SLC35D4: variants seen among roughly 807,000 people sequenced by gnomAD.
The protein encoded by SLC35D4 is solute carrier family 35 member D4.
At chr18:23,364,626 C>T in the SLC35D4 span, among the ~76,000 whole-genome samples, 53 of 152,122 alleles carry the variant, frequency 3.5e-4, no homozygotes, top group Non-Finnish European at 6.3e-4. Context: ...GACTCCTGGC[C>T]GGGCGCAGTG....
the SLC35D4 span, among the ~76,000 whole-genome samples, chr18:23,284,543 A>G: frequency 1.3e-5 from 2 of 152,092 alleles, no homozygotes; most frequent in East Asian, 3.9e-4. Context: ...CCTCCCATGT[A>G]CTGGTTTTTA....
the SLC35D4 span, chr18:23,365,593 T>C: frequency 3.1e-6 from 5 of 1,610,256 alleles, no homozygotes; most frequent in South Asian, 1.1e-5. Flanking sequence ...CAATAAGCAA[T>C]GTCAAACAGA....
chr18:23,241,180 C>T, the SLC35D4 span, among the ~76,000 whole-genome samples: 2 of 152,132 alleles, frequency 1.3e-5, no homozygotes, highest in African/African-American at 4.8e-5. Context: ...TACAACTTAA[C>T]ATGTGAGATT....
At chr18:23,248,660 T>G in the SLC35D4 span, among the ~76,000 whole-genome samples, 4 of 151,740 alleles carry the variant, frequency 2.6e-5, no homozygotes, top group Non-Finnish European at 5.9e-5. Context: ...AAACCCCATC[T>G]CTACTAAAAA....
chr18:23,335,514 G>C, the SLC35D4 span, among the ~76,000 whole-genome samples: 1 of 152,024 alleles, frequency 6.6e-6, no homozygotes, highest in Non-Finnish European at 1.5e-5. Context: ...TTAGTTTTAG[G>C]GATACACACA....
At chr18:23,332,472 A>G in the SLC35D4 span, among the ~76,000 whole-genome samples, 1 of 152,232 alleles carries the variant, frequency 6.6e-6, no homozygotes, top group Non-Finnish European at 1.5e-5. Context: ...TCATTCTACA[A>G]TCCTCACCAA....
chr18:23,368,948 C>T, the SLC35D4 span, among the ~76,000 whole-genome samples: 17 of 152,180 alleles, frequency 1.1e-4, no homozygotes, highest in Admixed American at 1.1e-3. Context: ...CACCTGTGGG[C>T]AACTGTTTCC....
chr18:23,249,935 C>T, the SLC35D4 span, among the ~76,000 whole-genome samples: 1 of 152,260 alleles, frequency 6.6e-6, no homozygotes, highest in East Asian at 1.9e-4. Context: ...CAGCGCTGGC[C>T]CCTGCCTGCG....
At chr18:23,301,151 T>C in the SLC35D4 span, among the ~76,000 whole-genome samples, 4 of 152,352 alleles carry the variant, frequency 2.6e-5, no homozygotes, top group East Asian at 7.7e-4. Flanking sequence ...TTTTCCTTTT[T>C]CTCTCTTCCT....
chr18:23,287,168 C>G, the SLC35D4 span, among the ~76,000 whole-genome samples: 1 of 152,326 alleles, frequency 6.6e-6, no homozygotes, highest in Admixed American at 6.5e-5. Context: ...TAAAACCAGA[C>G]AAGCCTTACT....
the SLC35D4 span, among the ~76,000 whole-genome samples, chr18:23,344,664 C>T: frequency 5.4e-5 from 8 of 148,958 alleles, no homozygotes; most frequent in African/African-American, 7.5e-5. Context: ...TGCAGTGGCG[C>T]GATCTCGGCT....
At chr18:23,430,490 GTCTGTTAA>G in the SLC35D4 span, 3 of 607,656 alleles carry the variant, frequency 4.9e-6, no homozygotes, top group East Asian at 2.9e-5. Context: ...GAACATAAAT[GTCTGTTAA>G]TAAGGCGGCT....
chr18:23,382,470 A>T, the SLC35D4 span, among the ~76,000 whole-genome samples: 1 of 152,058 alleles, frequency 6.6e-6, no homozygotes, highest in African/African-American at 2.4e-5. Flanking sequence ...TCAGGGAAGC[A>T]GGCCTGAGAC....
At chr18:23,298,112 CCT>C in the SLC35D4 span, 4 of 1,611,206 alleles carry the variant, frequency 2.5e-6, no homozygotes, top group Non-Finnish European at 3.4e-6. Context: ...CCCCGGGACC[CCT>C]GAGCTGCCTG....
At chr18:23,293,197 T>A in the SLC35D4 span, among the ~76,000 whole-genome samples, 12,154 of 152,100 alleles carry the variant, frequency 0.08, 615 homozygotes, top group Middle Eastern at 0.19. Context: ...TGAGCCGAGA[T>A]CGCGCCATTG....
the SLC35D4 span, among the ~76,000 whole-genome samples, chr18:23,411,639 A>G: frequency 6.6e-6 from 1 of 152,178 alleles, no homozygotes; most frequent in Non-Finnish European, 1.5e-5. Context: ...CAAGGGGTCT[A>G]ATTTGAAAAC....
the SLC35D4 span, among the ~76,000 whole-genome samples, chr18:23,262,609 C>T: frequency 6.6e-6 from 1 of 152,216 alleles, no homozygotes; most frequent in Non-Finnish European, 1.5e-5. Context: ...GTGCAAGGCA[C>T]CCTTACCAGG....
At chr18:23,297,695 C>T in the SLC35D4 span, 11 of 325,040 alleles carry the variant, frequency 3.4e-5, no homozygotes, top group East Asian at 7.6e-4. Context: ...TCCTGTACTT[C>T]CTGTTTCTGC....
At chr18:23,422,049 T>A in the SLC35D4 span, among the ~76,000 whole-genome samples, 7 of 152,238 alleles carry the variant, frequency 4.6e-5, no homozygotes, top group African/African-American at 7.2e-5. Flanking sequence ...TGCCTCTACA[T>A]TGATGATTCC....
Sources: gnomAD v4.1 joint callset for allele counts (sites outside exome capture counted in the v4.1 genomes callset) on GRCh38, gnomAD v4.1.1 for gene constraint, MANE v1.5 for transcripts, NCBI Gene and HGNC (gene_info 2026-07-23, HGNC 2026-07-21) for gene names.